Variants in ABHD17C observed in about 807,000 individuals in gnomAD.
ABHD17C encodes the protein alpha/beta hydrolase domain-containing protein 17C.
In ABHD17C, 11 loss-of-function variants were observed where a neutral mutation model predicts 27.9. That is an observed-to-expected ratio of 0.39 (90% CI 0.25 to 0.65). The LOEUF (loss-of-function observed/expected upper bound fraction) is 0.65, where lower values mean the gene tolerates loss of function less well. ABHD17C is among the 30% of genes least tolerant of loss of function. The pLI is 0.45. For missense variants in ABHD17C, 280 were observed against 470.2 expected (o/e 0.60, Z 3.74); for synonymous variants, 233 against 209.1 (o/e 1.11, Z -0.98).
rs1310410875 is a variant in ABHD17C, at chr15:80,695,846, C to T, written c.417C>T (p.His139=). 5 of 1,592,474 alleles carry T rather than the reference C, an allele frequency of 3.1e-6. No individual in the cohort carries two copies. The highest frequency in any genetic ancestry group is 4.5e-5 in the East Asian group (2 of 44,596). ...PSSRYTLLFS[H]GNAVDLGQMC... is the part of the protein sequence containing the mutation. ...GCCGCTACACGCTGCTCTTCTCGCACGGCAACGCCGTGGACCTGGGCCAGA... is the reference window on the plus strand; with the variant it reads ...GCCGCTACACGCTGCTCTTCTCGCATGGCAACGCCGTGGACCTGGGCCAGA... The change falls in exon 1 of 3, where the codon CAC becomes CAT. Residue 139 remains histidine, a synonymous_variant. Coordinates refer to ENST00000258884, the MANE Select transcript of ABHD17C (RefSeq NM_021214.2). The surrounding 1 kb of genome is among the most constrained non-coding windows in gnomAD (Gnocchi z 4.3).
chr15:80,747,966 C>T (rs532050325), intron 1 of ABHD17C, among the ~76,000 whole-genome samples: 7 of 152,326 alleles, frequency 4.6e-5, no homozygotes, highest in African/African-American at 1.2e-4. Context: ...TTCCAATTCA[C>T]GCTATCCTAG....
In ABHD17C at chr15:80,755,122, A is replaced by G. The variant is rs1162036080; in HGVS notation, c.*752A>G. 1 of 152,188 alleles carries G rather than the reference A, an allele frequency of 6.6e-6. No homozygotes were observed. Among genetic ancestry groups the G allele is most frequent in the African/African-American group, 2.4e-5 (1 of 41,442 alleles). The allele number at this position is 152,188 out of a possible 1,614,324, so 9.4% of individuals were successfully genotyped here. A position where few individuals can be genotyped will look rare whatever the true frequency, so the allele number is the denominator to read the frequency against. Reference sequence around the variant, plus strand: ...TAAAGTACTGTACATATTTGCAATCACATTGTGCATAGATTCTTAATGGTA... The same window carrying G: ...TAAAGTACTGTACATATTTGCAATCGCATTGTGCATAGATTCTTAATGGTA... On this transcript the variant is annotated 3_prime_UTR_variant, in exon 3 of 3. Coordinates refer to ENST00000258884, the MANE Select transcript of ABHD17C (RefSeq NM_021214.2).
rs751462410 is a variant in ABHD17C at position 80,754,140 on chromosome 15, C to G, written c.771-11C>G. ...AGTCCTCTTTCTGCCTCCCCCCTTTCTGTTTTGCAGCATTGACAAGATATC... is the reference window on the plus strand; with the variant it reads ...AGTCCTCTTTCTGCCTCCCCCCTTTGTGTTTTGCAGCATTGACAAGATATC... On this transcript the variant is annotated splice_polypyrimidine_tract_variant and intron_variant, in intron 2 of 2. Coordinates refer to ENST00000258884, the MANE Select transcript of ABHD17C (RefSeq NM_021214.2). The G allele has an allele frequency of 6.2e-7, 1 of 1,608,262 alleles. No homozygotes were observed.
At chr15:80,712,509 G>A (rs1000296313) in intron 1 of ABHD17C, among the ~76,000 whole-genome samples, 4 of 152,190 alleles carry the variant, frequency 2.6e-5, no homozygotes, top group African/African-American at 9.7e-5. Flanking sequence ...CTGTATAGAA[G>A]ACAAAGCTTA....
chr15:80,729,901 C>T (rs980801884), intron 1 of ABHD17C, among the ~76,000 whole-genome samples: 10 of 152,076 alleles, frequency 6.6e-5, no homozygotes, highest in Non-Finnish European at 1.2e-4. Flanking sequence ...CATTTGAGGT[C>T]AGGAGTTCAA....
chr15:80,721,110 A>G (rs1894891950), intron 1 of ABHD17C, among the ~76,000 whole-genome samples: 1 of 150,908 alleles, frequency 6.6e-6, no homozygotes, highest in East Asian at 1.9e-4. Flanking sequence ...TGTCTCCCAT[A>G]TTCTCCATCT....
chr15:80,743,566 A>C (rs1450361936), intron 1 of ABHD17C, among the ~76,000 whole-genome samples: 1 of 152,074 alleles, frequency 6.6e-6, no homozygotes, highest in Non-Finnish European at 1.5e-5. Context: ...CTGCATGAAT[A>C]CATCTTTTTG....
In ABHD17C at chr15:80,695,553, T is replaced by G. The variant is rs1442713507; in HGVS notation, c.124T>G (p.Tyr42Asp). 7.6e-7 allele frequency: 1 copy of G among 1,323,250 alleles called. No homozygotes were observed. Among genetic ancestry groups the G allele is most frequent in the East Asian group, 4.5e-5 (1 of 22,400 alleles). The allele number at this position is 1,323,250 out of a possible 1,614,324, so 82.0% of individuals were successfully genotyped here. Reference protein sequence around the residue: ...KLAFLPPEPTYTVLAPEQRGA... With the variant: ...KLAFLPPEPTDTVLAPEQRGA... Reference sequence around the variant, plus strand: ...GGCCTTCCTGCCGCCCGAGCCCACCTACACGGTGCTGGCGCCGGAGCAGCG... The same window carrying G: ...GGCCTTCCTGCCGCCCGAGCCCACCGACACGGTGCTGGCGCCGGAGCAGCG... Residue 42 changes from tyrosine (Y) to aspartate (D), a missense_variant, in exon 1 of 3, where the codon TAC becomes GAC. Transcript: ENST00000258884. This position sits in a 1 kb window ranked among gnomAD's most constrained non-coding sequence, Gnocchi z 4.3.
At chr15:80,722,600 G>T (rs1165532075) in intron 1 of ABHD17C, among the ~76,000 whole-genome samples, 2 of 150,926 alleles carry the variant, frequency 1.3e-5, no homozygotes, top group Non-Finnish European at 2.9e-5. Flanking sequence ...CTTCCCTGTT[G>T]GTTAATTTTT....
At chr15:80,723,943 C>T (rs1596066344) in intron 1 of ABHD17C, among the ~76,000 whole-genome samples, 1 of 152,162 alleles carries the variant, frequency 6.6e-6, no homozygotes, top group Non-Finnish European at 1.5e-5. Context: ...TAGCTCGCAC[C>T]TGTAATTCCA....
intron 1 of ABHD17C, among the ~76,000 whole-genome samples, chr15:80,716,748 G>C (rs528672716): frequency 6.6e-6 from 1 of 152,224 alleles, no homozygotes; most frequent in East Asian, 1.9e-4. Flanking sequence ...AATAAATCCT[G>C]GGTGAAGTAG....
intron 1 of ABHD17C, among the ~76,000 whole-genome samples, chr15:80,712,055 G>T (rs1333829387): frequency 6.6e-6 from 1 of 152,182 alleles, no homozygotes; most frequent in Non-Finnish European, 1.5e-5. Flanking sequence ...TTGCCAGCAA[G>T]ACAGACTTCC....
chr15:80,698,633 C>T (rs1894530705), intron 1 of ABHD17C, among the ~76,000 whole-genome samples: 1 of 152,202 alleles, frequency 6.6e-6, no homozygotes, highest in Admixed American at 6.5e-5. Context: ...ATTCTGAAGC[C>T]AATCAGCCCC....
At chr15:80,735,875 C>T (rs540748845) in intron 1 of ABHD17C, among the ~76,000 whole-genome samples, 3 of 152,292 alleles carry the variant, frequency 2.0e-5, no homozygotes, top group African/African-American at 7.2e-5. Flanking sequence ...CCCCCAAAGA[C>T]CTGTAACTCA....
intron 1 of ABHD17C, among the ~76,000 whole-genome samples, chr15:80,715,423 T>C (rs753358237): frequency 1.3e-5 from 2 of 152,240 alleles, no homozygotes; most frequent in South Asian, 4.1e-4. Flanking sequence ...CACTGTTTAA[T>C]CTCTGTGCCT....
intron 1 of ABHD17C, among the ~76,000 whole-genome samples, chr15:80,743,368 A>G (rs1895236159): frequency 6.6e-6 from 1 of 151,980 alleles, no homozygotes; most frequent in African/African-American, 2.4e-5. Flanking sequence ...GTACTTAGGG[A>G]GCAGGAATGT....
At chr15:80,733,241 A>G (rs1895080883) in intron 1 of ABHD17C, among the ~76,000 whole-genome samples, 1 of 152,060 alleles carries the variant, frequency 6.6e-6, no homozygotes, top group South Asian at 2.1e-4. Context: ...CAGGTTACTT[A>G]CAGAATCCCT....
chr15:80,723,665 G>A (rs1271833315), intron 1 of ABHD17C, among the ~76,000 whole-genome samples: 4 of 152,158 alleles, frequency 2.6e-5, no homozygotes, highest in Non-Finnish European at 4.4e-5. Flanking sequence ...GGATGTTTGC[G>A]TTGTTATAAA....
intron 1 of ABHD17C, among the ~76,000 whole-genome samples, chr15:80,748,907 C>T (rs1895328300): frequency 6.6e-6 from 1 of 151,788 alleles, no homozygotes; most frequent in Non-Finnish European, 1.5e-5. Flanking sequence ...AGCCTGTATT[C>T]CACACAGCCC....
Sources: gnomAD v4.1 joint callset for allele counts (sites outside exome capture counted in the v4.1 genomes callset) on GRCh38, gnomAD v4.1.1 for gene constraint, Gnocchi (gnomAD v3.1) non-coding constraint, MANE v1.5 for transcripts, NCBI Gene and HGNC (gene_info 2026-07-23, HGNC 2026-07-21) for gene names.